The following KBTBD12 variants were observed in gnomAD, a reference collection of about 807,000 sequenced individuals.
KBTBD12 encodes kelch repeat and BTB domain-containing protein 12.
A neutral mutation model predicts 58.7 loss-of-function variants in KBTBD12; 53 were observed. The observed-to-expected ratio is 0.90, with a 90% CI of 0.72 to 1.14. The LOEUF (loss-of-function observed/expected upper bound fraction) is 1.14, where lower values mean the gene tolerates loss of function less well. KBTBD12 is among the 50% of genes most tolerant of loss of function. The pLI is 0.00. For synonymous variants in KBTBD12, 236 were observed against 259.8 expected (o/e 0.91, Z 0.88); for missense variants, 704 against 751.3 (o/e 0.94, Z 0.74).
intron 5 of KBTBD12, among the ~76,000 whole-genome samples, chr3:127,971,039 G>C (rs73205399): frequency 6.6e-6 from 1 of 152,110 alleles, no homozygotes; most frequent in Non-Finnish European, 1.5e-5. Context: ...CACTAATGAG[G>C]AGAATTAAGC....
chr3:127,929,478 A>G (rs1172435518), intron 3 of KBTBD12, among the ~76,000 whole-genome samples: 4 of 152,206 alleles, frequency 2.6e-5, no homozygotes, highest in Admixed American at 2.0e-4. Context: ...ACATTTATGA[A>G]TAGGAAAAGC....
At chr3:127,918,177 A>G (rs1241253763) in intron 1 of KBTBD12, among the ~76,000 whole-genome samples, 1 of 152,210 alleles carries the variant, frequency 6.6e-6, no homozygotes, top group Non-Finnish European at 1.5e-5. Context: ...TTTCAAGAAT[A>G]CAGAAGTGAC....
intron 4 of KBTBD12, among the ~76,000 whole-genome samples, chr3:127,951,559 T>C (rs1372948515): frequency 3.3e-5 from 5 of 152,190 alleles, no homozygotes; most frequent in African/African-American, 4.8e-5. Flanking sequence ...TTGTCATTGA[T>C]TGATTAATCA....
chr3:127,943,456 G>T (rs982891494), intron 4 of KBTBD12, among the ~76,000 whole-genome samples: 10 of 151,414 alleles, frequency 6.6e-5, no homozygotes, highest in Non-Finnish European at 1.5e-4. Flanking sequence ...ATACCTATTG[G>T]GCATTTGTAT....
At chr3:127,974,909 C>T (rs887145649) in intron 5 of KBTBD12, among the ~76,000 whole-genome samples, 8 of 152,086 alleles carry the variant, frequency 5.3e-5, no homozygotes, top group African/African-American at 1.9e-4. Context: ...GGAGGTGGAG[C>T]TTGCAGTAAT....
intron 4 of KBTBD12, among the ~76,000 whole-genome samples, chr3:127,948,663 G>A (rs550170379): frequency 1.3e-5 from 2 of 152,180 alleles, no homozygotes; most frequent in Non-Finnish European, 2.9e-5. Flanking sequence ...GTGGCAGTGA[G>A]AATCCCTGGT....
At chr3:127,966,020 A>G (rs532322152) in intron 5 of KBTBD12, among the ~76,000 whole-genome samples, 3 of 152,324 alleles carry the variant, frequency 2.0e-5, no homozygotes, top group Non-Finnish European at 2.9e-5. Context: ...AGACAGGAAG[A>G]CCCCTAATTT....
chr3:127,942,079 T>C (rs111541905), intron 4 of KBTBD12, among the ~76,000 whole-genome samples: 19 of 152,320 alleles, frequency 1.2e-4, no homozygotes, highest in African/African-American at 3.4e-4. Flanking sequence ...TGATCATCTA[T>C]GTAGAAAATC....
intron 1 of KBTBD12, among the ~76,000 whole-genome samples, chr3:127,917,602 C>T (rs749186319): frequency 6.6e-6 from 1 of 152,208 alleles, no homozygotes; most frequent in Non-Finnish European, 1.5e-5. Context: ...CGGGGACCAG[C>T]TCCTATCCTG....
At chr3:127,928,468 T>C (rs753190060) in intron 3 of KBTBD12, among the ~76,000 whole-genome samples, 6 of 152,246 alleles carry the variant, frequency 3.9e-5, no homozygotes, top group Non-Finnish European at 5.9e-5. Flanking sequence ...AGAATACCGA[T>C]CTGTGATGGC....
chr3:127,985,881 G>A lies in KBTBD12; in HGVS notation c.*1603G>A, dbSNP rs780560560. The A allele has an allele frequency of 8.5e-5, 13 of 152,496 alleles. No homozygotes were observed. The highest frequency in any genetic ancestry group is 2.4e-4 in the African/African-American group (10 of 41,592). 9.4% of individuals were successfully genotyped at this position (152,496 alleles called of 1,614,324 possible). A position where few individuals can be genotyped will look rare whatever the true frequency, so the allele number is the denominator to read the frequency against. On this transcript the variant is annotated 3_prime_UTR_variant, in exon 6 of 6. Transcript: ENST00000405109. ...ATCAGAGGGCCTGGGCCCCGAGCAC[G>A]TCCAGGAATCTGAGTTAAAGTGAGC... is the stretch of plus-strand genomic sequence containing the variant.
rs1940984827 is a variant in KBTBD12, at chr3:127,987,092, G to A, written c.*2814G>A. ...GGGGCATGACCTCTGCTGGAGCCAG[G>A]AGGGCAGTGACCAGGAGCTGGCTTA... On this transcript the variant is annotated 3_prime_UTR_variant, in exon 6 of 6. Coordinates refer to ENST00000405109, the MANE Select transcript of KBTBD12 (RefSeq NM_207335.4). 6.6e-6 allele frequency: 1 copy of A among 152,304 alleles called. No individual in the cohort carries two copies. Among genetic ancestry groups the A allele is most frequent in the Admixed American group, 6.5e-5 (1 of 15,286 alleles). 9.4% of individuals were successfully genotyped at this position (152,304 alleles called of 1,614,324 possible). A position where few individuals can be genotyped will look rare whatever the true frequency, so the allele number is the denominator to read the frequency against.
chr3:127,946,698 T>C (rs1353514796), intron 4 of KBTBD12, among the ~76,000 whole-genome samples: 1 of 152,214 alleles, frequency 6.6e-6, no homozygotes, highest in Non-Finnish European at 1.5e-5. Context: ...TCAGCTTTTG[T>C]CTTTTTAAAT....
chr3:127,927,355 C>T (rs889269204), intron 2 of KBTBD12, among the ~76,000 whole-genome samples: 1 of 152,052 alleles, frequency 6.6e-6, no homozygotes, highest in Non-Finnish European at 1.5e-5. Context: ...CTTTAATGTT[C>T]GTATGAAAGT....
At chr3:127,949,255 G>A (rs1031478485) in intron 4 of KBTBD12, among the ~76,000 whole-genome samples, 3 of 152,160 alleles carry the variant, frequency 2.0e-5, no homozygotes, top group Admixed American at 6.5e-5. Context: ...ATTCTTGGTC[G>A]TTAACATACC....
At chr3:127,960,526 A>G (rs1940418255) in intron 4 of KBTBD12, among the ~76,000 whole-genome samples, 2 of 152,208 alleles carry the variant, frequency 1.3e-5, no homozygotes, top group African/African-American at 2.4e-5. Context: ...CTACAGATGT[A>G]CTGATCCTAC....
At chr3:127,975,414 T>A (rs541875506) in intron 5 of KBTBD12, among the ~76,000 whole-genome samples, 3 of 152,278 alleles carry the variant, frequency 2.0e-5, no homozygotes, top group African/African-American at 7.2e-5. Flanking sequence ...CTTCTGACAG[T>A]CTCTTCTATG....
chr3:127,962,671 A>G (rs528368505), intron 4 of KBTBD12, among the ~76,000 whole-genome samples: 2 of 152,362 alleles, frequency 1.3e-5, no homozygotes, highest in Admixed American at 6.5e-5. Flanking sequence ...ATTTGGGTTT[A>G]GGGCCTTTCC....
intron 3 of KBTBD12, 143 bp from the exon 4 acceptor site, chr3:127,929,990 G>A (rs1939664295): frequency 3.1e-6 from 2 of 655,148 alleles, no homozygotes; most frequent in Non-Finnish European, 5.2e-6. Flanking sequence ...CCCCGTCATG[G>A]GGTTTGGTGT....
Sources: allele counts gnomAD v4.1 joint callset (sites outside exome capture counted in the v4.1 genomes callset), GRCh38; gene constraint gnomAD v4.1.1; transcripts MANE v1.5; gene names NCBI Gene and HGNC (gene_info 2026-07-23, HGNC 2026-07-21).